Variants in SH2D4A observed in about 807,000 individuals in gnomAD.
SH2D4A encodes SH2 domain containing 4A.
A neutral mutation model predicts 64.7 loss-of-function variants in SH2D4A; 70 were observed. That is an observed-to-expected ratio of 1.08 (90% CI 0.89 to 1.32). SH2D4A has a LOEUF of 1.32. SH2D4A is among the 40% of genes most tolerant of loss of function. The pLI is 0.00. For missense variants in SH2D4A, 706 were observed against 540.1 expected (o/e 1.31, Z -3.04); for synonymous variants, 268 against 200.7 (o/e 1.34, Z -2.83).
At chr8:19,374,870 G>A (rs1346337694) in intron 8 of SH2D4A, among the ~76,000 whole-genome samples, 1 of 152,140 alleles carries the variant, frequency 6.6e-6, no homozygotes, top group Admixed American at 6.6e-5. Context: ...GTCTAATAAT[G>A]CCTTGCTTTC....
At chr8:19,391,079 C>T (rs2053485041) in intron 8 of SH2D4A, among the ~76,000 whole-genome samples, 1 of 152,104 alleles carries the variant, frequency 6.6e-6, no homozygotes, top group South Asian at 2.1e-4. Context: ...GTCGTGGCTC[C>T]TTGTTTCTGA....
chr8:19,388,424 G>C (rs1011350858), intron 8 of SH2D4A, among the ~76,000 whole-genome samples: 1 of 152,212 alleles, frequency 6.6e-6, no homozygotes, highest in Non-Finnish European at 1.5e-5. Flanking sequence ...GAGAGCAGGG[G>C]CTCTGAGGTC....
chr8:19,387,500 A>C (rs577798747), intron 8 of SH2D4A, among the ~76,000 whole-genome samples: 9 of 152,366 alleles, frequency 5.9e-5, no homozygotes, highest in African/African-American at 2.2e-4. Context: ...TCAGCCTCCC[A>C]AAGTGCTGGG....
Position 19,364,235 on chromosome 8 carries a change from C to T in SH2D4A, c.870C>T (p.Pro290=), listed in dbSNP as rs188858280. The part of the protein sequence containing the change: ...PQKPERPPLP[P]KPQFLNSGAY... ...AACCAGAAAGACCTCCCCTTCCACC[C>T]AAGCCTCAGTTCCTAAACTCAGGGG... is the stretch of plus-strand genomic sequence containing the variant. The change falls in exon 7 of 10, where the codon CCC becomes CCT. Residue 290 remains proline (P), a synonymous_variant. Transcript: ENST00000265807. The T allele has an allele frequency of 6.2e-7, 1 of 1,614,156 alleles. No homozygotes were observed. The highest frequency in any genetic ancestry group is 8.5e-7 in the Non-Finnish European group (1 of 1,180,004).
chr8:19,344,651 T>C (rs2052583449), intron 4 of SH2D4A, among the ~76,000 whole-genome samples: 1 of 152,180 alleles, frequency 6.6e-6, no homozygotes, highest in Non-Finnish European at 1.5e-5. Flanking sequence ...AAGTTTCAGA[T>C]TAGGGCGTGG....
intron 4 of SH2D4A, among the ~76,000 whole-genome samples, chr8:19,349,606 A>G (rs1294076170): frequency 6.6e-6 from 1 of 152,082 alleles, no homozygotes; most frequent in Non-Finnish European, 1.5e-5. Context: ...CAGTTGTTCA[A>G]CCTCTCTGAG....
chr8:19,329,510 A>T (rs1397705989), intron 2 of SH2D4A, among the ~76,000 whole-genome samples: 2 of 152,090 alleles, frequency 1.3e-5, no homozygotes, highest in Non-Finnish European at 2.9e-5. Flanking sequence ...GACTACTAGA[A>T]TGTTAGTTTC....
chr8:19,361,244 T>G lies in SH2D4A; in HGVS notation c.636T>G (p.Asn212Lys). Residue 212 changes from asparagine to lysine, a missense_variant, in exon 6 of 10, where the codon AAT becomes AAG. Coordinates refer to ENST00000265807, the MANE Select transcript of SH2D4A (RefSeq NM_022071.4). Reference sequence around the variant, plus strand: ...AGAAAAAACAAGATGAAGAAATAAATCAAATAGAAGAAGAGAGAACGAAGC... The same window carrying G: ...AGAAAAAACAAGATGAAGAAATAAAGCAAATAGAAGAAGAGAGAACGAAGC... ...SMKKKQDEEI[N>K]QIEEERTKQI... is the part of the protein sequence containing the mutation. The G allele has an allele frequency of 1.2e-6, 2 of 1,601,052 alleles. No individual in the cohort carries two copies. The highest frequency in any genetic ancestry group is 1.7e-6 in the Non-Finnish European group (2 of 1,171,498).
At chr8:19,341,837 G>A (rs1240203058) in intron 4 of SH2D4A, among the ~76,000 whole-genome samples, 1 of 112,456 alleles carries the variant, frequency 8.9e-6, no homozygotes. Flanking sequence ...GCAAAACCTT[G>A]TCTTAACAAA....
At chr8:19,391,207 C>T (rs1457430779) in intron 8 of SH2D4A, among the ~76,000 whole-genome samples, 3 of 152,140 alleles carry the variant, frequency 2.0e-5, no homozygotes, top group African/African-American at 4.8e-5. Context: ...CGCCTTGTTT[C>T]AACGTATGGT....
At chr8:19,356,199 C>T (rs901654983) in intron 4 of SH2D4A, among the ~76,000 whole-genome samples, 7 of 152,132 alleles carry the variant, frequency 4.6e-5, no homozygotes, top group East Asian at 1.9e-4. Flanking sequence ...TTAAGACAAC[C>T]GCTGAGGCAT....
At chr8:19,339,150 G>C (rs996700206) in intron 4 of SH2D4A, among the ~76,000 whole-genome samples, 1 of 152,226 alleles carries the variant, frequency 6.6e-6, no homozygotes, top group African/African-American at 2.4e-5. Flanking sequence ...TCGAGGTGAG[G>C]AAGCATCCAG....
chr8:19,344,299 A>G (rs958704697), intron 4 of SH2D4A, among the ~76,000 whole-genome samples: 2 of 152,130 alleles, frequency 1.3e-5, no homozygotes, highest in Admixed American at 1.3e-4. Flanking sequence ...GCTTACAGGT[A>G]TATTCACATT....
rs1400735595 is a variant in SH2D4A, at chr8:19,394,756, C to T, written c.*114C>T. The T allele has an allele frequency of 3.7e-6, 2 of 546,246 alleles. No individual in the cohort carries two copies. Among genetic ancestry groups the T allele is most frequent in the Non-Finnish European group, 6.0e-6 (2 of 334,728 alleles). The allele number at this position is 546,246 out of a possible 1,614,324, so 33.8% of individuals were successfully genotyped here. A position where few individuals can be genotyped will look rare whatever the true frequency, so the allele number is the denominator to read the frequency against. On this transcript the variant is annotated 3_prime_UTR_variant, in exon 10 of 10. Transcript: ENST00000265807. Reference sequence around the variant, plus strand: ...ACCCTGCAGCAGAGCCAATACTGATCAACTGAAAGTAAAGTATCCATGGAG... The same window carrying T: ...ACCCTGCAGCAGAGCCAATACTGATTAACTGAAAGTAAAGTATCCATGGAG...
In SH2D4A at chr8:19,364,975, A is replaced by T. The variant is rs112745732; in HGVS notation, c.917+693A>T. ...CATCCCTTATGTTTGCTGATTCTAA[A>T]TTTTTTTCTGGTTATTGATCTTATT... On this transcript the variant is annotated intron_variant, in intron 7 of 9. Coordinates refer to ENST00000265807, the MANE Select transcript of SH2D4A (RefSeq NM_022071.4). Among the ~76,000 whole-genome samples, 384 of 152,234 alleles carry T rather than the reference A, an allele frequency of 2.5e-3. No homozygotes were observed. In the Middle Eastern group the frequency reaches 0.041, roughly 16 times the overall value.
rs1223522870 is a variant in SH2D4A, at chr8:19,328,377, C to G, written c.182-4578C>G. Among the ~76,000 whole-genome samples, 3 of 151,788 alleles carry G rather than the reference C, an allele frequency of 2.0e-5. No individual in the cohort carries two copies. The East Asian group carries it at 5.8e-4, about 29-fold the overall frequency. The stretch of plus-strand genomic sequence containing the variant: ...AAACAGCTTGTTTTTTTTTTTACTC[C>G]TTAAGCAAATGAATTTTCTTGTCAC... On this transcript the variant is annotated intron_variant, in intron 2 of 9. Transcript: ENST00000265807.
chr8:19,364,429 CCTT>C, intron 7 of SH2D4A, 147 bp downstream of exon 7: 3 of 845,506 alleles, frequency 3.5e-6, no homozygotes, highest in South Asian at 1.8e-5. Flanking sequence ...CATGTCTAAG[CCTT>C]CTTCCTGGGT....
At chr8:19,366,624 G>A (rs538368653) in intron 7 of SH2D4A, among the ~76,000 whole-genome samples, 5 of 152,166 alleles carry the variant, frequency 3.3e-5, no homozygotes, top group African/African-American at 4.8e-5. Flanking sequence ...GTGAAACCCC[G>A]TATTTACTAA....
intron 7 of SH2D4A, among the ~76,000 whole-genome samples, chr8:19,369,105 T>C (rs935999100): frequency 3.9e-5 from 6 of 152,166 alleles, no homozygotes; most frequent in Admixed American, 2.0e-4. Context: ...TCTTTGTCTT[T>C]TATTCTGTTA....
Sources: gnomAD v4.1 joint callset for allele counts (sites outside exome capture counted in the v4.1 genomes callset) on GRCh38, gnomAD v4.1.1 for gene constraint, MANE v1.5 for transcripts, NCBI Gene and HGNC (gene_info 2026-07-23, HGNC 2026-07-21) for gene names.